ROBO2: variants seen among roughly 807,000 people sequenced by gnomAD.
ROBO2 encodes the protein roundabout guidance receptor 2.
Under a neutral mutation model 160.8 loss-of-function variants are expected in ROBO2, and 53 were observed. The ratio of observed to expected loss-of-function variants is 0.33; its 90% CI spans 0.26 to 0.41. ROBO2 has a LOEUF of 0.41. Among genes scored for constraint, ROBO2 ranks in the 10% least tolerant of loss-of-function variants. ROBO2 has a pLI of 1.00. For missense variants in ROBO2, 1,577 were observed against 1,722.4 expected (o/e 0.92, Z 1.49); for synonymous variants, 664 against 611.7 (o/e 1.09, Z -1.26).
At chr3:77,094,913 T>C (rs1168626466) in intron 1 of ROBO2, among the ~76,000 whole-genome samples, 1 of 152,150 alleles carries the variant, frequency 6.6e-6, no homozygotes, top group Admixed American at 6.6e-5. Flanking sequence ...GAGTTATGAG[T>C]TCTTTATATA....
rs754294291 is a variant in ROBO2 at position 77,527,364 on chromosome 3, C to A, written c.934+4462C>A. The A allele has an allele frequency of 3.7e-5, 47 of 1,279,684 alleles. No homozygotes were observed. The South Asian group carries it at 4.9e-4, about 13-fold the overall frequency. 79.3% of individuals were successfully genotyped at this position (1,279,684 alleles called of 1,614,324 possible). A position where few individuals can be genotyped will look rare whatever the true frequency, so the allele number is the denominator to read the frequency against. On this transcript the variant is annotated intron_variant, in intron 6 of 25. Coordinates refer to ENST00000461745, the Ensembl canonical transcript of ROBO2. The stretch of plus-strand genomic sequence containing the variant: ...AATTTTTCTTTCTTTTTTTTAATTT[C>A]TTTTTTATGTTCTCACCACACCATT...
chr3:77,075,371 G>A (rs2067858711), intron 1 of ROBO2, among the ~76,000 whole-genome samples: 1 of 152,068 alleles, frequency 6.6e-6, no homozygotes, highest in African/African-American at 2.4e-5. Flanking sequence ...TTTAATTTGA[G>A]AGTAATGTGT....
intron 2 of ROBO2, among the ~76,000 whole-genome samples, chr3:76,905,788 GC>G (rs1388484545): frequency 6.6e-6 from 1 of 152,068 alleles, no homozygotes; most frequent in African/African-American, 2.4e-5. Context: ...TCCTCATTCA[GC>G]CATCATTTAT....
chr3:75,979,070 A>G (rs2065208417), intron 2 of ROBO2, among the ~76,000 whole-genome samples: 1 of 151,552 alleles, frequency 6.6e-6, no homozygotes, highest in Non-Finnish European at 1.5e-5. Flanking sequence ...ATGCATATGT[A>G]AGATCAACTG....
At chr3:76,168,240 C>T (rs547525206) in intron 2 of ROBO2, among the ~76,000 whole-genome samples, 1 of 152,272 alleles carries the variant, frequency 6.6e-6, no homozygotes, top group South Asian at 2.1e-4. Context: ...AACTAGTATA[C>T]ATGATACCTC....
At chr3:76,719,438 C>T (rs919718517) in intron 2 of ROBO2, among the ~76,000 whole-genome samples, 9 of 152,110 alleles carry the variant, frequency 5.9e-5, no homozygotes, top group African/African-American at 7.2e-5. Context: ...AGGGCTCAAG[C>T]GGTCCTCCTG....
intron 2 of ROBO2, among the ~76,000 whole-genome samples, chr3:76,866,036 T>C (rs2071337441): frequency 6.6e-6 from 1 of 152,080 alleles, no homozygotes; most frequent in Admixed American, 6.6e-5. Context: ...TACAGTGTAA[T>C]TGCTTTTATT....
chr3:77,197,143 G>A (rs1316494607), intron 2 of ROBO2, among the ~76,000 whole-genome samples: 1 of 152,178 alleles, frequency 6.6e-6, no homozygotes, highest in Non-Finnish European at 1.5e-5. Context: ...AGGCTTCCGT[G>A]TGATTTCTCT....
chr3:77,211,464 C>A (rs957557603), intron 2 of ROBO2, among the ~76,000 whole-genome samples: 3 of 152,138 alleles, frequency 2.0e-5, no homozygotes, highest in African/African-American at 7.2e-5. Context: ...TGTTTGAGTT[C>A]ATTGTAGATT....
At chr3:77,619,284 C>T (rs2094849436) in intron 22 of ROBO2, among the ~76,000 whole-genome samples, 1 of 152,128 alleles carries the variant, frequency 6.6e-6, no homozygotes, top group African/African-American at 2.4e-5. Flanking sequence ...CCCAAGACAA[C>T]CTATATTTCT....
intron 2 of ROBO2, among the ~76,000 whole-genome samples, chr3:76,468,312 T>C (rs1323717785): frequency 6.6e-6 from 1 of 152,156 alleles, no homozygotes; most frequent in African/African-American, 2.4e-5. Flanking sequence ...TCAATAAAGC[T>C]ATACTTTATA....
chr3:76,919,280 A>G (rs2076522091), intron 2 of ROBO2, among the ~76,000 whole-genome samples: 1 of 152,190 alleles, frequency 6.6e-6, no homozygotes, highest in South Asian at 2.1e-4. Context: ...ATAATTTTCC[A>G]TTTAAGAATG....
chr3:77,146,122 G>A (rs1351565085), intron 2 of ROBO2, among the ~76,000 whole-genome samples: 1 of 152,188 alleles, frequency 6.6e-6, no homozygotes, highest in Non-Finnish European at 1.5e-5. Flanking sequence ...TACTGACCCT[G>A]CCTATTGTCT....
intron 2 of ROBO2, among the ~76,000 whole-genome samples, chr3:77,124,718 AT>A (rs1292826831): frequency 4.6e-5 from 7 of 152,150 alleles, no homozygotes; most frequent in African/African-American, 1.4e-4. Context: ...AATTTTAGTC[AT>A]AAACTAAGTA....
chr3:77,191,530 G>A (rs1049858747), intron 2 of ROBO2, among the ~76,000 whole-genome samples: 4 of 152,152 alleles, frequency 2.6e-5, no homozygotes, highest in Admixed American at 2.0e-4. Context: ...TTACCATTTC[G>A]CCCTTGTATT....
intron 2 of ROBO2, among the ~76,000 whole-genome samples, chr3:76,885,241 C>A (rs2073761723): frequency 1.3e-5 from 2 of 152,104 alleles, no homozygotes; most frequent in South Asian, 4.1e-4. Context: ...TTTCCTTACA[C>A]ACTGACTAGA....
intron 2 of ROBO2, among the ~76,000 whole-genome samples, chr3:76,567,125 T>C (rs1405371279): frequency 1.3e-5 from 2 of 151,870 alleles, no homozygotes; most frequent in African/African-American, 2.4e-5. Context: ...AACCCCACAG[T>C]GGAAAACGAA....
At chr3:76,251,215 A>G (rs2107553378) in intron 2 of ROBO2, among the ~76,000 whole-genome samples, 1 of 152,152 alleles carries the variant, frequency 6.6e-6, no homozygotes, top group South Asian at 2.1e-4. Context: ...AAGAGTTATT[A>G]ACTGGACTTG....
At chr3:77,546,139 A>G (rs2092688344) in intron 6 of ROBO2, among the ~76,000 whole-genome samples, 199 bp from the exon 8 acceptor site, 1 of 152,172 alleles carries the variant, frequency 6.6e-6, no homozygotes, top group South Asian at 2.1e-4. Flanking sequence ...TACGTCTGCT[A>G]AAAAGTTTGC....
Sources: gnomAD v4.1 joint callset for allele counts (sites outside exome capture counted in the v4.1 genomes callset) on GRCh38, gnomAD v4.1.1 for gene constraint, MANE v1.5 for transcripts, NCBI Gene and HGNC (gene_info 2026-07-23, HGNC 2026-07-21) for gene names.